SHLD2: variants seen among roughly 807,000 people sequenced by gnomAD.
SHLD2 encodes shieldin complex subunit 2.
A neutral mutation model predicts 73.2 loss-of-function variants in SHLD2; 30 were observed. The observed-to-expected ratio is 0.41, with a 90% confidence interval of 0.31 to 0.56. SHLD2 has a LOEUF of 0.56. Among genes scored for constraint, SHLD2 ranks in the 20% least tolerant of loss-of-function variants. The pLI is 0.28. For synonymous variants in SHLD2, 285 were observed against 370.1 expected (o/e 0.77, Z 2.64); for missense variants, 745 against 1,055.9 (o/e 0.71, Z 4.08).
At chr10:87,111,262 A>G (rs1199127105) in intron 2 of SHLD2, among the ~76,000 whole-genome samples, 3 of 152,108 alleles carry the variant, frequency 2.0e-5, no homozygotes, top group African/African-American at 4.8e-5. Flanking sequence ...CTCTAGACTC[A>G]AGCGGTCCTC....
At chr10:87,141,674 A>G (rs1438504089) in intron 2 of SHLD2, among the ~76,000 whole-genome samples, 2 of 152,182 alleles carry the variant, frequency 1.3e-5, no homozygotes, top group African/African-American at 2.4e-5. Flanking sequence ...TGAGAAATGC[A>G]GGAGGTGATG....
At chr10:87,163,257 T>C (rs9420456) in intron 4 of SHLD2, among the ~76,000 whole-genome samples, 1 of 151,550 alleles carries the variant, frequency 6.6e-6, no homozygotes, top group Non-Finnish European at 1.5e-5. Flanking sequence ...GGAATGGAGG[T>C]ATAAGAAAAT....
intron 2 of SHLD2, among the ~76,000 whole-genome samples, chr10:87,108,577 T>A (rs1842743486): frequency 6.6e-6 from 1 of 152,162 alleles, no homozygotes; most frequent in Admixed American, 6.5e-5. Context: ...AGTACTGGGA[T>A]TACAGGTGTG....
At chr10:87,107,345 C>G (rs779817497) in intron 2 of SHLD2, among the ~76,000 whole-genome samples, 20 of 152,138 alleles carry the variant, frequency 1.3e-4, no homozygotes, top group Non-Finnish European at 2.5e-4. Context: ...ACCTGGGAGG[C>G]AGAGGTTGCA....
In SHLD2 at chr10:87,117,322, G is replaced by A. The variant is rs187408657; in HGVS notation, c.-6+20333G>A. On this transcript the variant is annotated intron_variant, in intron 2 of 9. Coordinates refer to ENST00000298786, the MANE Select transcript of SHLD2 (RefSeq NM_001330112.2). ...TAATCCCAGCTACTCGGGAGGCTGAGGCAGGAGAATAGCTTGAACCTGGGA... is the reference window on the plus strand; with the variant it reads ...TAATCCCAGCTACTCGGGAGGCTGAAGCAGGAGAATAGCTTGAACCTGGGA... Among the ~76,000 whole-genome samples the A allele has an allele frequency of 4.2e-3, 641 of 152,298 alleles. 5 individuals carry two copies. Among genetic ancestry groups the A allele is most frequent in the African/African-American group, 0.014 (575 of 41,550 alleles).
intron 2 of SHLD2, among the ~76,000 whole-genome samples, chr10:87,131,316 C>G (rs1844410690): frequency 6.6e-6 from 1 of 151,964 alleles, no homozygotes; most frequent in South Asian, 2.1e-4. Flanking sequence ...AGTTCTAGAA[C>G]TTTTCTATCA....
chr10:87,190,150 C>G (rs553120983), intron 9 of SHLD2, among the ~76,000 whole-genome samples: 1 of 152,278 alleles, frequency 6.6e-6, no homozygotes, highest in African/African-American at 2.4e-5. Flanking sequence ...TCTCTACCTC[C>G]TGGGTTCAAG....
chr10:87,095,269 C>T (rs1195752247), intron 1 of SHLD2, 21 bp downstream of exon 1: 2 of 150,514 alleles, frequency 1.3e-5, no homozygotes, highest in Admixed American at 6.6e-5. Flanking sequence ...CGCGGGGGTC[C>T]CTCAGGGGGG....
intron 6 of SHLD2, among the ~76,000 whole-genome samples, chr10:87,174,635 T>C: frequency 6.6e-6 from 1 of 151,834 alleles, no homozygotes; most frequent in Non-Finnish European, 1.5e-5. Flanking sequence ...AAATTAGATT[T>C]ATGGCCTGAA....
chr10:87,119,900 A>G (rs1843488823), intron 2 of SHLD2, among the ~76,000 whole-genome samples: 1 of 152,112 alleles, frequency 6.6e-6, no homozygotes. Flanking sequence ...TACTTAACAT[A>G]TATAACCTAA....
rs61651864 is a variant in SHLD2, at chr10:87,143,862, CTTTTTT to C, written c.-5-7474_-5-7469del. ...GTTCACCTTATTCTTTTTATTCTTT[CTTTTTT>C]TTTTTTTTTTTTTGTGACGGAGTCT... On this transcript the variant is annotated intron_variant, in intron 2 of 9. Coordinates refer to ENST00000298786, the MANE Select transcript of SHLD2 (RefSeq NM_001330112.2). 1.1e-4 allele frequency among the ~76,000 whole-genome samples: 12 copies of C among 104,708 alleles called. No individual in the cohort carries two copies. In the South Asian group the frequency reaches 1.8e-3, roughly 16 times the overall value. 68.7% of individuals were successfully genotyped at this position (104,708 alleles called of 152,430 possible).
In SHLD2 at chr10:87,180,168, G is replaced by A. The variant is rs750486949; in HGVS notation, c.2264G>A (p.Ser755Asn). ...IALNAHSSLKSIFSSLPNIVY... is the reference protein window; with the variant it reads ...IALNAHSSLKNIFSSLPNIVY... ...CTAAATGCTCACAGTTCTCTGAAGA[G>A]TATTTTTTCTTCTCTTCCCAACATC... is the stretch of plus-strand genomic sequence containing the variant. The change falls in exon 8 of 10, where the codon AGT (serine) becomes AAT (asparagine). Residue 755 changes from serine to asparagine, a missense_variant. Ser to Asn is a conservative substitution (Grantham distance 46). Coordinates refer to ENST00000298786, the MANE Select transcript of SHLD2 (RefSeq NM_001330112.2). 3 of 1,613,720 alleles carry A rather than the reference G, an allele frequency of 1.9e-6. No homozygotes were observed. In the Admixed American group the frequency reaches 5.0e-5, roughly 27 times the overall value.
intron 2 of SHLD2, among the ~76,000 whole-genome samples, chr10:87,128,481 T>A (rs1348958715): frequency 1.3e-5 from 2 of 152,246 alleles, no homozygotes; most frequent in African/African-American, 4.8e-5. Context: ...ATCCTTGGAA[T>A]TCTCTTTTCT....
At chr10:87,189,830 CAA>C (rs1254630259) in intron 9 of SHLD2, among the ~76,000 whole-genome samples, 7 of 152,008 alleles carry the variant, frequency 4.6e-5, no homozygotes, top group African/African-American at 1.7e-4. Context: ...GTGACCGATT[CAA>C]GATTCTTTTA....
At position 87,151,989 on chromosome 10, in the gene SHLD2, G is replaced by C; in HGVS notation, c.635G>C (p.Gly212Ala). 6.2e-7 allele frequency: 1 copy of C among 1,611,924 alleles called. No homozygotes were observed. Among genetic ancestry groups the C allele is most frequent in the East Asian group, 2.2e-5 (1 of 44,872 alleles). The part of the protein sequence containing the change: ...EYHEIQNQCL[G>A]LFSSNAVDKS... ...CATGAAATACAAAACCAGTGTTTGGGATTATTTTCCTCGAACGCAGTAGAT... is the reference window on the plus strand; with the variant it reads ...CATGAAATACAAAACCAGTGTTTGGCATTATTTTCCTCGAACGCAGTAGAT... Residue 212 changes from glycine (G) to alanine (A), a missense_variant, in exon 3 of 10, where the codon GGA (glycine) becomes GCA (alanine). Physicochemically the swap from Gly to Ala is moderately conservative, Grantham distance 60 (BLOSUM62 0). Around this residue, in one of 5 missense-constraint regions of SHLD2, gnomAD observed 280 missense variants for 353.9 expected, o/e 0.79. Coordinates refer to ENST00000298786, the MANE Select transcript of SHLD2 (RefSeq NM_001330112.2).
chr10:87,126,340 A>C (rs773408291), intron 2 of SHLD2, among the ~76,000 whole-genome samples: 5 of 152,186 alleles, frequency 3.3e-5, no homozygotes, highest in Non-Finnish European at 5.9e-5. Flanking sequence ...TTGGCCTCCC[A>C]AAGTGCTGGG....
chr10:87,095,494 TGCA>T (rs1408628427), intron 1 of SHLD2, among the ~76,000 whole-genome samples: 1 of 151,922 alleles, frequency 6.6e-6, no homozygotes, highest in Admixed American at 6.5e-5. Flanking sequence ...GGGCCGGGCG[TGCA>T]GGGGCTGACA....
chr10:87,101,705 T>G (rs1174997754), intron 2 of SHLD2, among the ~76,000 whole-genome samples: 1 of 152,148 alleles, frequency 6.6e-6, no homozygotes, highest in East Asian at 1.9e-4. Flanking sequence ...GGCCAGGAGT[T>G]TCAGATCAGC....
At position 87,151,375 on chromosome 10, in the gene SHLD2, C is replaced by T; in HGVS notation, c.21C>T (p.Val7=). 6.4e-7 allele frequency: 1 copy of T among 1,560,544 alleles called. No homozygotes were observed. Among genetic ancestry groups the T allele is most frequent in the Non-Finnish European group, 8.6e-7 (1 of 1,157,386 alleles). MSGGSQ[V]HIFWGAPIAP... ...AAATCATGAGTGGAGGATCTCAAGT[C>T]CACATTTTTTGGGGTGCTCCAATTG... The change falls in exon 3 of 10, where the codon GTC becomes GTT. Residue 7 remains valine, a synonymous_variant. Coordinates refer to ENST00000298786, the MANE Select transcript of SHLD2 (RefSeq NM_001330112.2).
Sources: gnomAD v4.1 joint callset for allele counts (sites outside exome capture counted in the v4.1 genomes callset) on GRCh38, gnomAD v4.1.1 for gene constraint, gnomAD v4.1.1 regional missense constraint, MANE v1.5 for transcripts, NCBI Gene and HGNC (gene_info 2026-07-23, HGNC 2026-07-21) for gene names.